SLC2A13: variants seen among roughly 807,000 people sequenced by gnomAD.
SLC2A13 encodes the protein solute carrier family 2 member 13.
SLC2A13 carries 32 observed loss-of-function variants against 64.4 expected under a neutral mutation model. The ratio of observed to expected loss-of-function variants is 0.50; its 90% CI spans 0.37 to 0.67. The LOEUF (loss-of-function observed/expected upper bound fraction) is 0.67, where lower values mean the gene tolerates loss of function less well. Among genes scored for constraint, SLC2A13 ranks in the 30% least tolerant of loss-of-function variants. The pLI is 0.00. For missense variants in SLC2A13, 743 were observed against 829.2 expected (o/e 0.90, Z 1.28); for synonymous variants, 338 against 327.1 (o/e 1.03, Z -0.36).
intron 3 of SLC2A13, among the ~76,000 whole-genome samples, chr12:39,993,003 TTACATATACA>T (rs1330837311): frequency 6.6e-6 from 1 of 152,202 alleles, no homozygotes; most frequent in Non-Finnish European, 1.5e-5. Flanking sequence ...ATGAGTACAG[TTACATATACA>T]TACATATACA....
chr12:40,020,269 G>A (rs1290559647), intron 3 of SLC2A13, among the ~76,000 whole-genome samples: 1 of 152,160 alleles, frequency 6.6e-6, no homozygotes, highest in African/African-American at 2.4e-5. Flanking sequence ...ACGTTGAGTT[G>A]TAAACCCCAG....
intron 4 of SLC2A13, among the ~76,000 whole-genome samples, chr12:39,912,034 A>G (rs1945440436): frequency 1.3e-5 from 2 of 152,022 alleles, no homozygotes; most frequent in African/African-American, 2.4e-5. Context: ...GTAGGTGCTG[A>G]ACCAGATTTG....
At chr12:39,849,305 T>C (rs933787394) in intron 6 of SLC2A13, among the ~76,000 whole-genome samples, 1 of 152,134 alleles carries the variant, frequency 6.6e-6, no homozygotes, top group African/African-American at 2.4e-5. Flanking sequence ...GAATGCAGCA[T>C]TTAGCGAGCA....
intron 7 of SLC2A13, among the ~76,000 whole-genome samples, chr12:39,822,175 T>C (rs1942538269): frequency 6.7e-6 from 1 of 150,150 alleles, no homozygotes; most frequent in African/African-American, 2.4e-5. Context: ...CGGTGTTTGG[T>C]TTTTTCTTCT....
chr12:39,936,005 C>A (rs1360182929), intron 4 of SLC2A13, among the ~76,000 whole-genome samples: 3 of 152,178 alleles, frequency 2.0e-5, no homozygotes, highest in Non-Finnish European at 4.4e-5. Flanking sequence ...GGACATGAAG[C>A]AGTGCAAAGA....
intron 4 of SLC2A13, among the ~76,000 whole-genome samples, chr12:39,941,382 C>A (rs1946022755): frequency 1.3e-5 from 2 of 152,138 alleles, no homozygotes; most frequent in African/African-American, 4.8e-5. Flanking sequence ...AGTTTACATT[C>A]CCACCAGCAG....
intron 3 of SLC2A13, among the ~76,000 whole-genome samples, chr12:39,998,027 C>T (rs941384681): frequency 6.6e-6 from 1 of 152,030 alleles, no homozygotes; most frequent in African/African-American, 2.4e-5. Flanking sequence ...TGGATATATA[C>T]CCAGAAGAAA....
chr12:40,028,585 G>C (rs569089585), intron 2 of SLC2A13, 76 bp from the exon 3 acceptor site: 1 of 1,429,396 alleles, frequency 7.0e-7, no homozygotes, highest in Non-Finnish European at 9.6e-7. Context: ...CTTTTGTGTT[G>C]TGTTGACAAC....
intron 6 of SLC2A13, among the ~76,000 whole-genome samples, chr12:39,858,671 A>T (rs1414037481): frequency 6.6e-6 from 1 of 152,170 alleles, no homozygotes; most frequent in Non-Finnish European, 1.5e-5. Flanking sequence ...CAATGGCACG[A>T]TCTCGGCTCA....
At chr12:39,858,398 C>T (rs971496221) in intron 6 of SLC2A13, among the ~76,000 whole-genome samples, 4 of 152,040 alleles carry the variant, frequency 2.6e-5, no homozygotes, top group Non-Finnish European at 4.4e-5. Flanking sequence ...TTAGCTTGTG[C>T]CACCATGCCA....
At chr12:39,813,185 T>G (rs1942242733) in intron 7 of SLC2A13, among the ~76,000 whole-genome samples, 1 of 151,732 alleles carries the variant, frequency 6.6e-6, no homozygotes, top group African/African-American at 2.4e-5. Context: ...CTTCTTTTAT[T>G]GGATTAATTA....
intron 3 of SLC2A13, among the ~76,000 whole-genome samples, chr12:40,016,002 A>G (rs926309292): frequency 6.6e-6 from 1 of 152,188 alleles, no homozygotes; most frequent in Non-Finnish European, 1.5e-5. Flanking sequence ...TTAGTTTTCA[A>G]AAAAACTGCT....
chr12:40,015,017 G>T (rs182214751), intron 3 of SLC2A13, among the ~76,000 whole-genome samples: 3 of 152,226 alleles, frequency 2.0e-5, no homozygotes, highest in African/African-American at 7.2e-5. Context: ...CTCTATTCCT[G>T]CTGGTATAAT....
chr12:39,866,362 T>C (rs1460904457), intron 5 of SLC2A13, among the ~76,000 whole-genome samples: 1 of 152,238 alleles, frequency 6.6e-6, no homozygotes, highest in East Asian at 1.9e-4. Context: ...CCTGACTCTG[T>C]GATCTTGGAT....
intron 4 of SLC2A13, among the ~76,000 whole-genome samples, chr12:39,912,462 A>T (rs536487258): frequency 6.6e-6 from 1 of 152,222 alleles, no homozygotes; most frequent in East Asian, 1.9e-4. Context: ...AAATAAAACA[A>T]ACACTACAAC....
chr12:40,093,767 G>A (rs936185643), intron 1 of SLC2A13, among the ~76,000 whole-genome samples: 3 of 152,118 alleles, frequency 2.0e-5, no homozygotes, highest in Non-Finnish European at 4.4e-5. Context: ...GGGTCAGCTG[G>A]AAAAGGAGGG....
At chr12:39,943,588 G>T (rs1420432728) in intron 4 of SLC2A13, among the ~76,000 whole-genome samples, 3 of 152,142 alleles carry the variant, frequency 2.0e-5, no homozygotes, top group Admixed American at 2.0e-4. Context: ...CCTCAGTAAT[G>T]GTGGACGCCC....
intron 4 of SLC2A13, among the ~76,000 whole-genome samples, chr12:39,940,710 TTTTA>T (rs1485309138): frequency 6.6e-6 from 1 of 151,960 alleles, no homozygotes; most frequent in African/African-American, 2.4e-5. Flanking sequence ...ACTTATAATA[TTTTA>T]TTTATTCGTT....
intron 1 of SLC2A13, among the ~76,000 whole-genome samples, chr12:40,054,211 A>G (rs1453690428): frequency 6.6e-6 from 1 of 152,220 alleles, no homozygotes; most frequent in Non-Finnish European, 1.5e-5. Context: ...TAACTCAAAG[A>G]TGATGATTTG....
Sources: gnomAD v4.1 joint callset for allele counts (sites outside exome capture counted in the v4.1 genomes callset) on GRCh38, gnomAD v4.1.1 for gene constraint, MANE v1.5 for transcripts, NCBI Gene and HGNC (gene_info 2026-07-23, HGNC 2026-07-21) for gene names.